Variants in JKAMP observed in about 807,000 individuals in gnomAD.
JKAMP encodes JNK1/MAPK8 associated membrane protein, also known as JNK1/MAPK8-associated membrane protein.
Under a neutral mutation model 40.2 loss-of-function variants are expected in JKAMP, and 20 were observed. The ratio of observed to expected loss-of-function variants is 0.50; its 90% CI spans 0.35 to 0.72. JKAMP has a LOEUF of 0.72. Ranked by LOEUF, JKAMP falls within the 30% of genes least tolerant of loss-of-function variation. JKAMP has a pLI of 0.01. For missense variants in JKAMP, 276 were observed against 373.0 expected, an observed-to-expected ratio of 0.74 and a Z score of 2.14; for synonymous variants, 138 against 131.6, an observed-to-expected ratio of 1.05 and a Z score of -0.33.
chr14:59,495,479 A>G (rs1277154886), intron 4 of JKAMP, among the ~76,000 whole-genome samples: 1 of 152,146 alleles, frequency 6.6e-6, no homozygotes. Context: ...TAACTTACAT[A>G]TAGGAGGCAC....
At chr14:59,485,407 C>G (rs150017542) in intron 1 of JKAMP, 1 of 304,074 alleles carries the variant, frequency 3.3e-6, no homozygotes, top group Non-Finnish European at 6.0e-6. Flanking sequence ...TTGTTAAAAG[C>G]GAAAATATTA....
intron 4 of JKAMP, among the ~76,000 whole-genome samples, chr14:59,495,529 T>C (rs544164386): frequency 6.6e-6 from 1 of 152,316 alleles, no homozygotes; most frequent in African/African-American, 2.4e-5. Context: ...TGGATTAGTG[T>C]TTTTTCTTTT....
Position 59,501,317 on chromosome 14 carries a change from A to T in JKAMP, c.717+50A>T, listed in dbSNP as rs529008748. On this transcript the variant is annotated intron_variant, in intron 6 of 6. Coordinates refer to ENST00000616435, the MANE Select transcript of JKAMP (RefSeq NM_016475.5). ...TAAAGACTTTTTGATAAATTTGACA[A>T]TTCAATATCAGAATAGTCCATATGA... 22 of 1,174,920 alleles carry T rather than the reference A, an allele frequency of 1.9e-5. No homozygotes were observed. The African/African-American group carries it at 3.0e-4, about 16-fold the overall frequency. 72.8% of individuals were successfully genotyped at this position (1,174,920 alleles called of 1,614,324 possible).
At position 59,504,024 on chromosome 14, in the gene JKAMP, A is replaced by G. The variant is rs777585210; in HGVS notation, c.888A>G (p.Lys296=). 6.2e-6 allele frequency: 10 copies of G among 1,613,672 alleles called. No homozygotes were observed. In the East Asian group the frequency reaches 2.2e-4, roughly 36 times the overall value. Residue 296 remains lysine (K), a synonymous_variant, in exon 7 of 7, where the codon AAA becomes AAG. Coordinates refer to ENST00000616435, the MANE Select transcript of JKAMP (RefSeq NM_016475.5). ...TPALFYLFTA[K]FTEPSRILSE... ...CCCTTTTTTACTTGTTCACTGCAAAATTTACCGAACCTTCAAGGATACTCT... is the reference window on the plus strand; with the variant it reads ...CCCTTTTTTACTTGTTCACTGCAAAGTTTACCGAACCTTCAAGGATACTCT...
chr14:59,503,668 C>T (rs1264816350), intron 6 of JKAMP, among the ~76,000 whole-genome samples, 186 bp from the exon 7 acceptor site: 1 of 152,140 alleles, frequency 6.6e-6, no homozygotes, highest in Non-Finnish European at 1.5e-5. Context: ...CCTTAGGAGC[C>T]TCACTTTCCT....
At position 59,504,293 on chromosome 14, in the gene JKAMP, C is replaced by T. The variant is rs915492275; in HGVS notation, c.*221C>T. On this transcript the variant is annotated 3_prime_UTR_variant, in exon 7 of 7. Coordinates refer to ENST00000616435, the MANE Select transcript of JKAMP (RefSeq NM_016475.5). ...TTACACAGGGTAATATTATCTGCTACACTGGAAGGCCGCTAGGAAGCCCTT... is the reference window on the plus strand; with the variant it reads ...TTACACAGGGTAATATTATCTGCTATACTGGAAGGCCGCTAGGAAGCCCTT... The T allele has an allele frequency of 3.9e-6, 2 of 508,690 alleles. No individual in the cohort carries two copies. Among genetic ancestry groups the T allele is most frequent in the African/African-American group, 1.9e-5 (1 of 51,642 alleles). The allele number at this position is 508,690 out of a possible 1,614,324, so 31.5% of individuals were successfully genotyped here. A position where few individuals can be genotyped will look rare whatever the true frequency, so the allele number is the denominator to read the frequency against.
At chr14:59,502,658 G>A (rs866698864) in intron 6 of JKAMP, among the ~76,000 whole-genome samples, 19 of 151,664 alleles carry the variant, frequency 1.3e-4, no homozygotes, top group African/African-American at 4.4e-4. Flanking sequence ...AATTAAAGAA[G>A]ATAGGAAAAT....
At chr14:59,495,342 C>T (rs972220638) in intron 4 of JKAMP, 118 bp downstream of exon 4, 10 of 687,564 alleles carry the variant, frequency 1.5e-5, no homozygotes, top group African/African-American at 1.3e-4. Flanking sequence ...GGTCTGCCAG[C>T]GGCTTTATTA....
intron 4 of JKAMP, chr14:59,495,430 C>A: frequency 3.9e-6 from 2 of 514,110 alleles, no homozygotes; most frequent in East Asian, 3.1e-5. Context: ...TATAAGGTGT[C>A]GTGAGGATTA....
In JKAMP at chr14:59,505,097, T is replaced by C. The variant is rs1892253621; in HGVS notation, c.*1025T>C. 1 of 445,886 alleles carries C rather than the reference T, an allele frequency of 2.2e-6. No individual in the cohort carries two copies. The highest frequency in any genetic ancestry group is 4.0e-6 in the Non-Finnish European group (1 of 249,904). The allele number at this position is 445,886 out of a possible 1,614,324, so 27.6% of individuals were successfully genotyped here. A position where few individuals can be genotyped will look rare whatever the true frequency, so the allele number is the denominator to read the frequency against. On this transcript the variant is annotated 3_prime_UTR_variant, in exon 7 of 7. Transcript: ENST00000616435. ...TTTTATTGTTTAGAAGTTTATTTAC[T>C]GATACTTGGTGGAGGTTGTGTGAAT...
chr14:59,491,012 G>C (rs889090232), intron 3 of JKAMP, among the ~76,000 whole-genome samples: 5 of 152,204 alleles, frequency 3.3e-5, no homozygotes, highest in Admixed American at 2.6e-4. Flanking sequence ...AAAAGAGGGA[G>C]TTGTACAACT....
At chr14:59,486,966 C>A (rs1331900654) in intron 2 of JKAMP, among the ~76,000 whole-genome samples, 162 bp downstream of exon 2, 1 of 152,074 alleles carries the variant, frequency 6.6e-6, no homozygotes, top group Non-Finnish European at 1.5e-5. Context: ...TTTGGGAAGC[C>A]TAGGTGGGTA....
intron 6 of JKAMP, among the ~76,000 whole-genome samples, chr14:59,503,196 G>A (rs1892069329): frequency 6.6e-6 from 1 of 152,042 alleles, no homozygotes. Context: ...GACCTAAAAC[G>A]GAAAAAGACA....
intron 2 of JKAMP, 100 bp downstream of exon 2, chr14:59,486,904 T>A: frequency 1.2e-6 from 1 of 858,706 alleles, no homozygotes; most frequent in Non-Finnish European, 1.8e-6. Context: ...CATTAATTTA[T>A]AAAAGAATAT....
chr14:59,492,422 T>C (rs1891089948), intron 3 of JKAMP, among the ~76,000 whole-genome samples: 1 of 152,122 alleles, frequency 6.6e-6, no homozygotes, highest in Non-Finnish European at 1.5e-5. Flanking sequence ...AGGCTTAAAG[T>C]CTTACACCTC....
rs576009920 is a variant in JKAMP, at chr14:59,486,602, T to C, written c.5-111T>C. On this transcript the variant is annotated intron_variant, in intron 1 of 6. Transcript: ENST00000616435. The stretch of plus-strand genomic sequence containing the variant: ...TGCTTCAAGACTTTTGTCTAATACA[T>C]ATTATTCAAAAATTTGAAACTGTTA... 2.1e-5 allele frequency: 15 copies of C among 724,152 alleles called. No individual in the cohort carries two copies. In the African/African-American group the frequency reaches 2.3e-4, roughly 11 times the overall value. 44.9% of individuals were successfully genotyped at this position (724,152 alleles called of 1,614,324 possible). A position where few individuals can be genotyped will look rare whatever the true frequency, so the allele number is the denominator to read the frequency against.
intron 6 of JKAMP, among the ~76,000 whole-genome samples, chr14:59,503,378 T>C (rs1439560583): frequency 1.3e-5 from 2 of 152,218 alleles, no homozygotes; most frequent in East Asian, 3.8e-4. Context: ...ATCAGAGTGT[T>C]CATGTGTCAT....
chr14:59,505,307 T>G lies in JKAMP; in HGVS notation c.*1235T>G, dbSNP rs1214036873. 2.8e-6 allele frequency: 4 copies of G among 1,452,006 alleles called. No individual in the cohort carries two copies. Among genetic ancestry groups the G allele is most frequent in the Non-Finnish European group, 3.7e-6 (4 of 1,079,930 alleles). The allele number at this position is 1,452,006 out of a possible 1,614,324, so 89.9% of individuals were successfully genotyped here. A position where few individuals can be genotyped will look rare whatever the true frequency, so the allele number is the denominator to read the frequency against. On this transcript the variant is annotated 3_prime_UTR_variant, in exon 7 of 7. Transcript: ENST00000616435. Reference sequence around the variant, plus strand: ...AAATGAACCCTTGTACGAATGTGTTTCTTCTTCTCTGTAGGAATAAAAAAT... The same window carrying G: ...AAATGAACCCTTGTACGAATGTGTTGCTTCTTCTCTGTAGGAATAAAAAAT...
At position 59,486,717 on chromosome 14, in the gene JKAMP, C is replaced by T. The variant is rs1259546422; in HGVS notation, c.9C>T (p.Val3=). 3 of 1,579,972 alleles carry T rather than the reference C, an allele frequency of 1.9e-6. No individual in the cohort carries two copies. The highest frequency in any genetic ancestry group is 1.3e-5 in the African/African-American group (1 of 74,214). MA[V]DIQPACLGLY... is the part of the protein sequence containing the mutation. The stretch of plus-strand genomic sequence containing the variant: ...CTGGCATTTGTTTTTAAAAAGCTGT[C>T]GATATTCAACCAGCATGCCTTGGAC... The change falls in exon 2 of 7, where the codon GTC becomes GTT. Residue 3 remains valine (V), a synonymous_variant. Transcript: ENST00000616435.
Sources: gnomAD v4.1 joint callset for allele counts (sites outside exome capture counted in the v4.1 genomes callset) on GRCh38, gnomAD v4.1.1 for gene constraint, MANE v1.5 for transcripts, NCBI Gene and HGNC (gene_info 2026-07-23, HGNC 2026-07-21) for gene names.